Variants in ACSL1 observed in about 807,000 individuals in gnomAD.
ACSL1 encodes acyl-CoA synthetase long chain family member 1, also known as long-chain-fatty-acid--CoA ligase 1.
In ACSL1, 41 loss-of-function variants were observed where a neutral mutation model predicts 98.4. That is an observed-to-expected ratio of 0.42 (90% CI 0.32 to 0.54). The LOEUF is 0.54. ACSL1 is among the 20% of genes least tolerant of loss of function. The pLI is 0.13. For synonymous variants in ACSL1, 316 were observed against 322.7 expected, an observed-to-expected ratio of 0.98 and a Z score of 0.22; for missense variants, 734 against 883.1, an observed-to-expected ratio of 0.83 and a Z score of 2.14.
intron 2 of ACSL1, among the ~76,000 whole-genome samples, chr4:184,797,389 T>C (rs1199038107): frequency 1.3e-5 from 2 of 152,186 alleles, no homozygotes; most frequent in African/African-American, 2.4e-5. Flanking sequence ...TATGGTTACG[T>C]GGAAATGAGG....
rs191543505 is a variant in ACSL1 at position 184,778,154 on chromosome 4, G to A, written c.478-1171C>T. ...CCACATAGCCACTGCCCTACCTACT[G>A]GACAAAGGTGAAAGATCACTCTTTC... On this transcript the variant is annotated intron_variant, in intron 5 of 20. Transcript: ENST00000281455. Among the ~76,000 whole-genome samples, 14 of 152,306 alleles carry A rather than the reference G, an allele frequency of 9.2e-5. No homozygotes were observed. In the East Asian group the frequency reaches 2.1e-3, roughly 23 times the overall value.
intron 1 of ACSL1, chr4:184,813,726 A>T (rs1772347500): frequency 2.4e-6 from 1 of 410,650 alleles, no homozygotes; most frequent in African/African-American, 2.0e-5. Context: ...TCAGCTAACC[A>T]CAAAGTAAGC....
intron 12 of ACSL1, among the ~76,000 whole-genome samples, chr4:184,767,873 G>A (rs1452217917): frequency 6.6e-6 from 1 of 152,214 alleles, no homozygotes; most frequent in African/African-American, 2.4e-5. Flanking sequence ...ACTTCTTTCA[G>A]TGTGGCCAAT....
chr4:184,790,599 C>T (rs572787887), intron 2 of ACSL1, among the ~76,000 whole-genome samples: 8 of 152,318 alleles, frequency 5.3e-5, no homozygotes, highest in African/African-American at 1.4e-4. Context: ...GAAGCAAAAA[C>T]GTTATTCTCT....
chr4:184,776,754 A>C, intron 6 of ACSL1, 92 bp from the exon 7 acceptor site: 1 of 1,490,930 alleles, frequency 6.7e-7, no homozygotes, highest in Non-Finnish European at 9.1e-7. Context: ...GAAGTACTAC[A>C]TTCTTTGAAT....
At chr4:184,788,430 C>G in intron 3 of ACSL1, 187 bp downstream of exon 3, 1 of 682,366 alleles carries the variant, frequency 1.5e-6, no homozygotes, top group Non-Finnish European at 2.7e-6. Flanking sequence ...GCCCCCAGGG[C>G]CACAGGGAAC....
At chr4:184,821,193 C>T (rs1210374016) in intron 1 of ACSL1, 2 of 443,148 alleles carry the variant, frequency 4.5e-6, no homozygotes, top group Non-Finnish European at 9.2e-6. Flanking sequence ...GCTACCACCT[C>T]GGTCAGCTAC....
At chr4:184,797,107 C>G (rs936384029) in intron 2 of ACSL1, among the ~76,000 whole-genome samples, 1 of 152,182 alleles carries the variant, frequency 6.6e-6, no homozygotes, top group Non-Finnish European at 1.5e-5. Flanking sequence ...AGGCTTGTCT[C>G]TAAATGTCTG....
upstream of ACSL1, chr4:184,826,174 T>A (rs1773482584): frequency 6.7e-6 from 1 of 148,678 alleles, no homozygotes; most frequent in Admixed American, 6.7e-5. Flanking sequence ...CGCCCTCCTG[T>A]CTGGGCGCGC....
At position 184,762,425 on chromosome 4, in the gene ACSL1, G is replaced by A. The variant is rs946038127; in HGVS notation, c.1620C>T (p.Asp540=). The change falls in exon 17 of 21, where the codon GAC becomes GAT. Residue 540 remains aspartate (D), a synonymous_variant. Transcript: ENST00000281455. ...AACTTACTGGTAACCATTTTCCAATGTCCCCTGTGTGTAACCAGCCGTCTT... is the reference window on the plus strand; with the variant it reads ...AACTTACTGGTAACCATTTTCCAATATCCCCTGTGTGTAACCAGCCGTCTT... The part of the protein sequence containing the change: ...LDKDGWLHTG[D]IGKWLPNGTL... The A allele has an allele frequency of 1.1e-5, 17 of 1,614,046 alleles. No individual in the cohort carries two copies. Among genetic ancestry groups the A allele is most frequent in the Non-Finnish European group, 1.4e-5 (17 of 1,179,996 alleles).
chr4:184,760,523 T>C (rs763663376), intron 17 of ACSL1, 23 bp from the exon 18 acceptor site: 101 of 1,613,064 alleles, frequency 6.3e-5, no homozygotes, highest in Non-Finnish European at 8.1e-5. Flanking sequence ...GGGGAGGGGG[T>C]TATGAATGGG....
chr4:184,783,142 G>C (rs1766610744), intron 4 of ACSL1, among the ~76,000 whole-genome samples: 1 of 152,134 alleles, frequency 6.6e-6, no homozygotes, highest in African/African-American at 2.4e-5. Flanking sequence ...TGTGGACTGG[G>C]GAAGAGCTGT....
intron 2 of ACSL1, among the ~76,000 whole-genome samples, chr4:184,802,968 C>T (rs538450590): frequency 1.3e-5 from 2 of 152,294 alleles, no homozygotes; most frequent in Admixed American, 6.5e-5. Context: ...AACTCTCATT[C>T]CTGCCAGAAT....
intron 2 of ACSL1, among the ~76,000 whole-genome samples, chr4:184,795,637 C>T (rs1769224124): frequency 6.6e-6 from 1 of 152,192 alleles, no homozygotes; most frequent in South Asian, 2.1e-4. Context: ...CAGGCCACCC[C>T]ACCCAACCAC....
chr4:184,800,638 T>C (rs1410480677), intron 2 of ACSL1, among the ~76,000 whole-genome samples: 2 of 152,236 alleles, frequency 1.3e-5, no homozygotes, highest in Non-Finnish European at 2.9e-5. Flanking sequence ...ATAGAAGCTC[T>C]TCCTTGGCAC....
At chr4:184,782,134 G>A (rs955370316) in intron 4 of ACSL1, among the ~76,000 whole-genome samples, 1 of 152,056 alleles carries the variant, frequency 6.6e-6, no homozygotes, top group Admixed American at 6.5e-5. Flanking sequence ...CTTCACAGAC[G>A]AGTTCAAAAG....
intron 4 of ACSL1, among the ~76,000 whole-genome samples, chr4:184,783,437 G>A (rs937430783): frequency 6.6e-6 from 1 of 152,184 alleles, no homozygotes; most frequent in Non-Finnish European, 1.5e-5. Context: ...TCAGCAGCAT[G>A]CACTAGGAAA....
chr4:184,782,467 C>T lies in ACSL1; in HGVS notation c.375+1460G>A, dbSNP rs558112471. Among the ~76,000 whole-genome samples the T allele has an allele frequency of 1.0e-3, 159 of 152,150 alleles. 1 individual carries two copies. Among genetic ancestry groups the T allele is most frequent in the African/African-American group, 3.5e-3 (144 of 41,492 alleles). ...AGTGATTTTCAATCTGCCTTGAAAA[C>T]GCCTATCTGCAATGGACGTGTCTTC... is the stretch of plus-strand genomic sequence containing the variant. On this transcript the variant is annotated intron_variant, in intron 4 of 20. Transcript: ENST00000281455.
At chr4:184,769,796 CAAAATTGTCAA>C (rs1764214552) in intron 11 of ACSL1, among the ~76,000 whole-genome samples, 1 of 152,132 alleles carries the variant, frequency 6.6e-6, no homozygotes, top group African/African-American at 2.4e-5. Flanking sequence ...GCATAAAATC[CAAAATTGTCAA>C]AGAAGGAAAA....
Sources: gnomAD v4.1 joint callset for allele counts (sites outside exome capture counted in the v4.1 genomes callset) on GRCh38, gnomAD v4.1.1 for gene constraint, MANE v1.5 for transcripts, NCBI Gene and HGNC (gene_info 2026-07-23, HGNC 2026-07-21) for gene names.